Variants in PIP4K2A observed in about 807,000 individuals in gnomAD.
The protein encoded by PIP4K2A is phosphatidylinositol-5-phosphate 4-kinase type 2 alpha.
PIP4K2A carries 14 observed loss-of-function variants against 42.9 expected under a neutral mutation model. The ratio of observed to expected loss-of-function variants is 0.33; its 90% CI spans 0.22 to 0.51. The LOEUF is 0.51. Ranked by LOEUF, PIP4K2A falls within the 20% of genes least tolerant of loss-of-function variation. The pLI is 0.97. For missense variants in PIP4K2A, 434 were observed against 519.8 expected, an observed-to-expected ratio of 0.83 and a Z score of 1.61; for synonymous variants, 192 against 192.2, an observed-to-expected ratio of 1.00 and a Z score of 0.01.
chr10:22,575,517 T>C (rs1837091688), intron 4 of PIP4K2A, among the ~76,000 whole-genome samples: 1 of 152,200 alleles, frequency 6.6e-6, no homozygotes, highest in Admixed American at 6.5e-5. Context: ...AAGAAATCTT[T>C]TGAATATTAT....
chr10:22,615,582 A>G (rs1383983275), intron 1 of PIP4K2A, among the ~76,000 whole-genome samples: 4 of 152,252 alleles, frequency 2.6e-5, no homozygotes, highest in African/African-American at 2.4e-5. Flanking sequence ...TGTGAAATCC[A>G]AACAGTTTTT....
At chr10:22,664,048 C>CATATATATATATATACACAT (rs1554807162) in intron 1 of PIP4K2A, among the ~76,000 whole-genome samples, 1 of 76,832 alleles carries the variant, frequency 1.3e-5, no homozygotes, top group African/African-American at 1.1e-4. Flanking sequence ...TATATATATA[C>CATATATATATATATACACAT]ATATGTATAT....
chr10:22,631,917 C>A lies in PIP4K2A; in HGVS notation c.145-22200G>T, dbSNP rs555764005. Reference sequence around the variant, plus strand: ...CACTGACATCACCGTAACCAACTGACCAGAGTCAACAGCTTCAGTGATGAG... The same window carrying A: ...CACTGACATCACCGTAACCAACTGAACAGAGTCAACAGCTTCAGTGATGAG... On this transcript the variant is annotated intron_variant, in intron 1 of 9. Transcript: ENST00000376573. Among the ~76,000 whole-genome samples the A allele has an allele frequency of 8.5e-5, 13 of 152,332 alleles. No homozygotes were observed. In the East Asian group the frequency reaches 1.5e-3, roughly 18 times the overall value.
At chr10:22,538,361 A>C (rs1292871417) in intron 9 of PIP4K2A, among the ~76,000 whole-genome samples, 2 of 151,658 alleles carry the variant, frequency 1.3e-5, no homozygotes, top group African/African-American at 4.8e-5. Context: ...AGGATAGGAG[A>C]GATGAACATG....
rs536918338 is a variant in PIP4K2A at position 22,712,923 on chromosome 10, T to G, written c.144+1260A>C. Among the ~76,000 whole-genome samples, 4 of 151,662 alleles carry G rather than the reference T, an allele frequency of 2.6e-5. No individual in the cohort carries two copies. The East Asian group carries it at 7.7e-4, about 29-fold the overall frequency. On this transcript the variant is annotated intron_variant, in intron 1 of 9. Coordinates refer to ENST00000376573, the MANE Select transcript of PIP4K2A (RefSeq NM_005028.5). ...CTTCACTACATTGAGGGTGTGTGTG[T>G]GTGTGTGTGTGTGTGTGTCTGTGTG...
intron 1 of PIP4K2A, among the ~76,000 whole-genome samples, chr10:22,665,184 T>G (rs1281711662): frequency 6.6e-6 from 1 of 152,224 alleles, no homozygotes; most frequent in Non-Finnish European, 1.5e-5. Context: ...CTAACCAACC[T>G]GTGACTTTCA....
At chr10:22,672,982 T>A (rs1054872792) in intron 1 of PIP4K2A, among the ~76,000 whole-genome samples, 7 of 152,188 alleles carry the variant, frequency 4.6e-5, no homozygotes, top group Non-Finnish European at 8.8e-5. Flanking sequence ...GGAGATCCAG[T>A]GATCTCTCTC....
intron 1 of PIP4K2A, among the ~76,000 whole-genome samples, chr10:22,634,033 T>C (rs1838609811): frequency 6.6e-6 from 1 of 152,240 alleles, no homozygotes; most frequent in Non-Finnish European, 1.5e-5. Flanking sequence ...CTGACTTTTA[T>C]TGAAAACAAA....
chr10:22,580,783 G>A (rs1056377099), intron 4 of PIP4K2A, among the ~76,000 whole-genome samples: 3 of 152,108 alleles, frequency 2.0e-5, no homozygotes, highest in African/African-American at 7.2e-5. Context: ...TTTCAACCAC[G>A]GTCTACAAGA....
At chr10:22,554,518 T>C (rs1040303630) in intron 6 of PIP4K2A, among the ~76,000 whole-genome samples, 3 of 152,214 alleles carry the variant, frequency 2.0e-5, no homozygotes, top group Non-Finnish European at 4.4e-5. Flanking sequence ...CTTTGATATC[T>C]TTTCTAGTTC....
chr10:22,692,589 T>A (rs1839895242), intron 1 of PIP4K2A, among the ~76,000 whole-genome samples: 1 of 152,196 alleles, frequency 6.6e-6, no homozygotes, highest in Non-Finnish European at 1.5e-5. Flanking sequence ...GCACTTGGTG[T>A]CTCTTTTCCT....
intron 1 of PIP4K2A, among the ~76,000 whole-genome samples, chr10:22,664,091 A>ATATATATATACG (rs1839273172): frequency 3.0e-5 from 2 of 67,150 alleles, no homozygotes; most frequent in South Asian, 4.5e-4. Flanking sequence ...ATATATATAC[A>ATATATATATACG]TATATATATA....
At chr10:22,657,444 T>C (rs1414172922) in intron 1 of PIP4K2A, among the ~76,000 whole-genome samples, 2 of 152,258 alleles carry the variant, frequency 1.3e-5, no homozygotes, top group Non-Finnish European at 2.9e-5. Context: ...TTCAATTTTA[T>C]TTTTGACTGT....
Position 22,535,975 on chromosome 10 carries a change from G to A in PIP4K2A, c.*1226C>T, listed in dbSNP as rs1835908588. ...CACTCACGTAAAAACATGGCTGCAGGATACGTCTCAAAATATGACAAACGT... is the reference window on the plus strand; with the variant it reads ...CACTCACGTAAAAACATGGCTGCAGAATACGTCTCAAAATATGACAAACGT... On this transcript the variant is annotated 3_prime_UTR_variant, in exon 10 of 10. Coordinates refer to ENST00000376573, the MANE Select transcript of PIP4K2A (RefSeq NM_005028.5). 7.6e-6 allele frequency: 3 copies of A among 395,868 alleles called. No individual in the cohort carries two copies. The highest frequency in any genetic ancestry group is 1.3e-5 in the Non-Finnish European group (3 of 224,824). 24.5% of individuals were successfully genotyped at this position (395,868 alleles called of 1,614,324 possible).
chr10:22,681,878 G>A (rs971183232), intron 1 of PIP4K2A, among the ~76,000 whole-genome samples: 2 of 152,120 alleles, frequency 1.3e-5, no homozygotes, highest in African/African-American at 2.4e-5. Flanking sequence ...TCTGCTGTTT[G>A]AGCAGCTACA....
chr10:22,596,059 T>C (rs187941510), intron 3 of PIP4K2A, among the ~76,000 whole-genome samples: 2 of 148,776 alleles, frequency 1.3e-5, no homozygotes, highest in Admixed American at 6.7e-5. Context: ...TACAAAATTA[T>C]GCAGGCGTGG....
At chr10:22,666,653 A>G (rs1026309529) in intron 1 of PIP4K2A, among the ~76,000 whole-genome samples, 2 of 152,058 alleles carry the variant, frequency 1.3e-5, no homozygotes, top group Non-Finnish European at 2.9e-5. Context: ...CACAAACCCC[A>G]ACTGCGGTTC....
chr10:22,545,107 CTTG>C (rs1161361975), intron 7 of PIP4K2A, among the ~76,000 whole-genome samples: 1 of 152,232 alleles, frequency 6.6e-6, no homozygotes, highest in Non-Finnish European at 1.5e-5. Context: ...GTATTCGGCA[CTTG>C]TTGGACAAGT....
chr10:22,649,660 T>A (rs1402535028), intron 1 of PIP4K2A, among the ~76,000 whole-genome samples: 1 of 152,068 alleles, frequency 6.6e-6, no homozygotes. Context: ...CTGACTTAGC[T>A]CACCTCCAAG....
Sources: gnomAD v4.1 joint callset for allele counts (sites outside exome capture counted in the v4.1 genomes callset) on GRCh38, gnomAD v4.1.1 for gene constraint, MANE v1.5 for transcripts, NCBI Gene and HGNC (gene_info 2026-07-23, HGNC 2026-07-21) for gene names.